The following ZNF609 variants were observed in gnomAD, a reference collection of about 807,000 sequenced individuals.
ZNF609 encodes zinc finger protein 609.
A neutral mutation model predicts 109.5 loss-of-function variants in ZNF609; 11 were observed. The ratio of observed to expected loss-of-function variants is 0.10; its 90% CI spans 0.06 to 0.17. ZNF609 has a LOEUF of 0.17. Ranked by LOEUF, ZNF609 falls within the 10% of genes least tolerant of loss-of-function variation. The pLI is 1.00. For missense variants in ZNF609, 1,559 were observed against 1,772.4 expected (o/e 0.88, Z 2.16); for synonymous variants, 646 against 662.0 (o/e 0.98, Z 0.37).
intron 2 of ZNF609, among the ~76,000 whole-genome samples, chr15:64,598,786 A>ATG (rs1428755914): frequency 3.9e-5 from 4 of 102,138 alleles, no homozygotes; most frequent in East Asian, 5.6e-4. Context: ...ATATATATAT[A>ATG]TCCTGTTATC....
intron 2 of ZNF609, among the ~76,000 whole-genome samples, chr15:64,594,028 A>C (rs1442895890): frequency 6.6e-6 from 1 of 152,200 alleles, no homozygotes; most frequent in East Asian, 1.9e-4. Context: ...TCATGAACAC[A>C]CATATTAAGG....
At chr15:64,544,652 A>T (rs1894326705) in intron 2 of ZNF609, among the ~76,000 whole-genome samples, 1 of 152,184 alleles carries the variant, frequency 6.6e-6, no homozygotes. Flanking sequence ...CCTTATCTGA[A>T]ATGCCTTTCC....
At chr15:64,584,000 A>G (rs1438871542) in intron 2 of ZNF609, among the ~76,000 whole-genome samples, 1 of 152,126 alleles carries the variant, frequency 6.6e-6, no homozygotes, top group Non-Finnish European at 1.5e-5. Flanking sequence ...TCCAGTTCCC[A>G]AAATGGTTTT....
chr15:64,583,147 G>T (rs1476643777), intron 2 of ZNF609, among the ~76,000 whole-genome samples: 1 of 147,522 alleles, frequency 6.8e-6, no homozygotes, highest in Admixed American at 6.7e-5. Context: ...AATTCTCTGC[G>T]TCAGCCTCCA....
intron 3 of ZNF609, among the ~76,000 whole-genome samples, chr15:64,662,308 G>T (rs1896589043): frequency 6.6e-6 from 1 of 152,086 alleles, no homozygotes; most frequent in South Asian, 2.1e-4. Flanking sequence ...AGTTGCTAAA[G>T]GCAGCTCACA....
In ZNF609 at chr15:64,674,675, T is replaced by C. The variant is rs756454849; in HGVS notation, c.1821T>C (p.Asp607=). 1.8e-5 allele frequency: 29 copies of C among 1,614,084 alleles called. No homozygotes were observed. Among genetic ancestry groups the C allele is most frequent in the Non-Finnish European group, 2.3e-5 (27 of 1,180,058 alleles). Residue 607 remains aspartate, a synonymous_variant, in exon 5 of 10, where the codon GAT becomes GAC. Coordinates refer to ENST00000326648, the MANE Select transcript of ZNF609 (RefSeq NM_015042.2). The stretch of plus-strand genomic sequence containing the variant: ...CAGACCTTGGGGCCTTATCCAATGA[T>C]GGCTCTGATGATGGACCCTCAGTGA... The part of the protein sequence containing the change: ...GDTDLGALSN[D]GSDDGPSVMD...
chr15:64,618,054 C>A (rs551561773), intron 2 of ZNF609, among the ~76,000 whole-genome samples: 1 of 152,236 alleles, frequency 6.6e-6, no homozygotes, highest in East Asian at 1.9e-4. Context: ...CCTCTTGGCC[C>A]CAATTTCCTG....
At chr15:64,572,680 G>A (rs1329732668) in intron 2 of ZNF609, among the ~76,000 whole-genome samples, 1 of 151,980 alleles carries the variant, frequency 6.6e-6, no homozygotes, top group African/African-American at 2.4e-5. Context: ...TTCACCTGAG[G>A]TCGGGAGTTT....
At chr15:64,605,899 A>G (rs932549377) in intron 2 of ZNF609, among the ~76,000 whole-genome samples, 6 of 104,468 alleles carry the variant, frequency 5.7e-5, no homozygotes, top group African/African-American at 1.4e-4. Context: ...ACGCCCGGCT[A>G]ATCTTTTTTT....
At chr15:64,643,173 TC>T (rs1391986391) in intron 3 of ZNF609, among the ~76,000 whole-genome samples, 1 of 152,164 alleles carries the variant, frequency 6.6e-6, no homozygotes, top group Non-Finnish European at 1.5e-5. Flanking sequence ...CATGTAGAGT[TC>T]CATACCAGCC....
chr15:64,649,713 C>T lies in ZNF609; in HGVS notation c.974-20633C>T, dbSNP rs537529249. Among the ~76,000 whole-genome samples, 7 of 151,980 alleles carry T rather than the reference C, an allele frequency of 4.6e-5. No individual in the cohort carries two copies. The East Asian group carries it at 5.8e-4, about 13-fold the overall frequency. ...CTCTTCTAATAAAGCATCATTTTTG[C>T]GGGGGAGGGGTTGCTTTTTATTTTG... is the stretch of plus-strand genomic sequence containing the variant. On this transcript the variant is annotated intron_variant, in intron 3 of 9. Coordinates refer to ENST00000326648, the MANE Select transcript of ZNF609 (RefSeq NM_015042.2).
chr15:64,490,516 C>A (rs2140344143), intron 1 of ZNF609, among the ~76,000 whole-genome samples: 1 of 152,188 alleles, frequency 6.6e-6, no homozygotes. Flanking sequence ...TCAGGTGATC[C>A]ATCCACCTTG....
chr15:64,491,307 A>T (rs745588802), intron 1 of ZNF609, among the ~76,000 whole-genome samples: 16 of 152,198 alleles, frequency 1.1e-4, no homozygotes, highest in Non-Finnish European at 1.8e-4. Context: ...TACATGTTGT[A>T]GTAACCATAC....
chr15:64,603,025 G>T (rs1001444425), intron 2 of ZNF609, among the ~76,000 whole-genome samples: 1 of 150,454 alleles, frequency 6.6e-6, no homozygotes, highest in East Asian at 2.0e-4. Context: ...GATTACAGGC[G>T]TGAGCTGCCG....
At chr15:64,508,778 T>C (rs1174083400) in intron 2 of ZNF609, among the ~76,000 whole-genome samples, 2 of 148,504 alleles carry the variant, frequency 1.3e-5, no homozygotes, top group Non-Finnish European at 3.0e-5. Flanking sequence ...AGCCTCAACC[T>C]CCCATGCTCA....
At chr15:64,565,968 C>T (rs993315505) in intron 2 of ZNF609, among the ~76,000 whole-genome samples, 1 of 152,124 alleles carries the variant, frequency 6.6e-6, no homozygotes, top group African/African-American at 2.4e-5. Flanking sequence ...TCCACATCAA[C>T]CTCTTGAGTA....
chr15:64,473,963 T>TG (rs1893130042), intron 1 of ZNF609, among the ~76,000 whole-genome samples: 1 of 151,402 alleles, frequency 6.6e-6, no homozygotes, highest in Non-Finnish European at 1.5e-5. Flanking sequence ...TTAGTAGAGA[T>TG]GGGGTTTCAC....
At chr15:64,538,862 A>C (rs1489712363) in intron 2 of ZNF609, among the ~76,000 whole-genome samples, 3 of 151,758 alleles carry the variant, frequency 2.0e-5, no homozygotes, top group Non-Finnish European at 2.9e-5. Flanking sequence ...TTTTTTATAG[A>C]GATAAAATAA....
At chr15:64,562,953 T>G (rs1400533617) in intron 2 of ZNF609, among the ~76,000 whole-genome samples, 1 of 151,376 alleles carries the variant, frequency 6.6e-6, no homozygotes, top group Admixed American at 6.6e-5. Flanking sequence ...AGAGGTGAGT[T>G]TACTTCTGAA....
Sources: allele counts gnomAD v4.1 joint callset (sites outside exome capture counted in the v4.1 genomes callset), GRCh38; gene constraint gnomAD v4.1.1; transcripts MANE v1.5; gene names NCBI Gene and HGNC (gene_info 2026-07-23, HGNC 2026-07-21).